The following PEX11G variants were observed in gnomAD, a reference collection of about 807,000 sequenced individuals.
PEX11G encodes the protein peroxisomal membrane protein 11C.
A neutral mutation model predicts 22.5 loss-of-function variants in PEX11G; 20 were observed. The ratio of observed to expected loss-of-function variants is 0.89; its 90% CI spans 0.62 to 1.29. PEX11G has a LOEUF of 1.29. Among genes scored for constraint, PEX11G ranks in the 50% most tolerant of loss-of-function variants. The probability of loss-of-function intolerance (pLI) is 0.00; values close to 1 mark genes in which losing one functional copy is unlikely to be tolerated. For synonymous variants in PEX11G, 141 were observed against 154.5 expected (o/e 0.91, Z 0.65); for missense variants, 347 against 331.3 (o/e 1.05, Z -0.37).
intron 2 of PEX11G, 108 bp from the exon 3 acceptor site, chr19:7,482,319 G>C: frequency 7.6e-7 from 1 of 1,310,250 alleles, no homozygotes; most frequent in Non-Finnish European, 1.0e-6. Flanking sequence ...CCCAGTCCCT[G>C]GGCCGTGTCC....
Position 7,478,338 on chromosome 19 carries a change from C to T in PEX11G, c.467G>A (p.Arg156Gln), listed in dbSNP as rs201661104. The change falls in exon 4 of 5, where the codon CGG becomes CAG. Residue 156 changes from arginine (R) to glutamine (Q), a missense_variant. Physicochemically the swap from Arg to Gln is conservative, Grantham distance 43. Transcript: ENST00000221480. ...CCTGGTGAAGGGCGCCGTGGGGCTC[C>T]GCAGCCTCTGTCTCAGTTTCAGCAG... ...WMLLKLRQRL[R>Q]SPTAPFTSPL... 289 of 1,610,862 alleles carry T rather than the reference C, an allele frequency of 1.8e-4. No homozygotes were observed. Among genetic ancestry groups the T allele is most frequent in the Non-Finnish European group, 2.1e-4 (250 of 1,179,522 alleles).
intron 3 of PEX11G, among the ~76,000 whole-genome samples, chr19:7,481,310 C>T (rs190878290): frequency 6.6e-6 from 1 of 152,312 alleles, no homozygotes; most frequent in Non-Finnish European, 1.5e-5. Context: ...AAGCAATCCT[C>T]CTGCCTCAGC....
At chr19:7,488,471 T>A (rs1165798990) in intron 1 of PEX11G, among the ~76,000 whole-genome samples, 1 of 152,188 alleles carries the variant, frequency 6.6e-6, no homozygotes, top group African/African-American at 2.4e-5. Context: ...AGTGTGTCAA[T>A]GTCCAGACAG....
At chr19:7,479,350 G>T (rs372294429) in intron 3 of PEX11G, among the ~76,000 whole-genome samples, 1 of 152,192 alleles carries the variant, frequency 6.6e-6, no homozygotes, top group African/African-American at 2.4e-5. Flanking sequence ...TGGGGGTGGT[G>T]GTGGGCGCCT....
Position 7,478,522 on chromosome 19 carries a change from C to T in PEX11G, c.429-146G>A, listed in dbSNP as rs1397615355. ...TCTCCCTGCCCCCACAGTCCCACAC[C>T]CTCCTGGCTGTGCCTCATGCTCCCG... On this transcript the variant is annotated intron_variant, in intron 3 of 4. Transcript: ENST00000221480. 9.7e-6 allele frequency: 8 copies of T among 824,226 alleles called. No homozygotes were observed. The Admixed American group carries it at 1.5e-4, about 16-fold the overall frequency. The allele number at this position is 824,226 out of a possible 1,614,324, so 51.1% of individuals were successfully genotyped here. A position where few individuals can be genotyped will look rare whatever the true frequency, so the allele number is the denominator to read the frequency against.
chr19:7,493,854 G>A (rs10408977), upstream of PEX11G, among the ~76,000 whole-genome samples: 882 of 144,258 alleles, frequency 6.1e-3, 12 homozygotes, highest in African/African-American at 0.021. Context: ...AAAAAAAAAA[G>A]ACTTGGGTCC....
At chr19:7,484,720 C>A (rs2021556525) in intron 2 of PEX11G, among the ~76,000 whole-genome samples, 1 of 151,530 alleles carries the variant, frequency 6.6e-6, no homozygotes, top group Non-Finnish European at 1.5e-5. Context: ...TTGCAGTGAG[C>A]CGAGATCACG....
upstream of PEX11G, chr19:7,489,546 A>G: frequency 2.1e-6 from 2 of 951,714 alleles, no homozygotes; most frequent in Non-Finnish European, 2.5e-6. Flanking sequence ...AAAATGCACA[A>G]TTCAGTGACA....
chr19:7,477,333 G>A lies in PEX11G; in HGVS notation c.595C>T (p.Leu199=). 1 of 1,560,558 alleles carries A rather than the reference G, an allele frequency of 6.4e-7. No individual in the cohort carries two copies. The change falls in exon 5 of 5, where the codon CTG becomes TTG. Residue 199 remains leucine, a synonymous_variant. Coordinates refer to ENST00000221480, the MANE Select transcript of PEX11G (RefSeq NM_080662.4). ...LADLANAVHW[L]PRGVLWAGRF... ...CCGGCCCACAGCACGCCCCGGGGCA[G>A]CCAGTGCACGGCGTTGGCCAGGTCG...
intron 1 of PEX11G, among the ~76,000 whole-genome samples, chr19:7,486,740 C>G (rs2021678337): frequency 6.6e-6 from 1 of 151,836 alleles, no homozygotes; most frequent in Admixed American, 6.6e-5. Context: ...GCTGGGACTA[C>G]AGGCACCCGC....
chr19:7,481,097 G>A (rs1205566136), intron 3 of PEX11G, among the ~76,000 whole-genome samples: 1 of 152,150 alleles, frequency 6.6e-6, no homozygotes, highest in Non-Finnish European at 1.5e-5. Context: ...TTCTTTCTAA[G>A]TGTGGTCAGC....
chr19:7,486,147 G>C, intron 1 of PEX11G, 121 bp from the exon 2 acceptor site: 1 of 843,650 alleles, frequency 1.2e-6, no homozygotes, highest in Admixed American at 3.0e-5. Flanking sequence ...TTTTTTTTTT[G>C]AAAGAGTCTC....
upstream of PEX11G, among the ~76,000 whole-genome samples, chr19:7,489,851 C>CTTTTTTT (rs55711330): frequency 2.1e-5 from 3 of 143,858 alleles, no homozygotes; most frequent in Non-Finnish European, 4.5e-5. Context: ...CTGGAGACGT[C>CTTTTTTT]TTTTTTTTTT....
upstream of PEX11G, among the ~76,000 whole-genome samples, chr19:7,491,737 T>C (rs1401521009): frequency 6.6e-6 from 1 of 152,004 alleles, no homozygotes; most frequent in African/African-American, 2.4e-5. Flanking sequence ...ACTGCAGCCT[T>C]GAACTCCTGG....
Position 7,482,047 on chromosome 19 carries a change from G to A in PEX11G, c.414C>T (p.Leu138=), listed in dbSNP as rs1381640528. 2.5e-6 allele frequency: 4 copies of A among 1,601,378 alleles called. No homozygotes were observed. Among genetic ancestry groups the A allele is most frequent in the East Asian group, 4.5e-5 (2 of 44,648 alleles). The change falls in exon 3 of 5, where the codon CTC becomes CTT. Residue 138 remains leucine (L), a synonymous_variant. Transcript: ENST00000221480. The part of the protein sequence containing the change: ...LSTTLWALSL[L]LGVARSLWML... ...ATGCCACTTACCTGGCAACCCCCAG[G>A]AGCAGAGAGAGGGCCCACAGGGTTG...
intron 1 of PEX11G, among the ~76,000 whole-genome samples, chr19:7,494,238 G>C (rs73001536): frequency 0.23 from 34,493 of 151,992 alleles, 4,517 homozygotes; most frequent in African/African-American, 0.37. Flanking sequence ...CAGAAAAATT[G>C]AAGCCAAGCC....
chr19:7,488,506 A>G (rs2021764157), intron 1 of PEX11G, among the ~76,000 whole-genome samples: 2 of 152,086 alleles, frequency 1.3e-5, no homozygotes, highest in Non-Finnish European at 2.9e-5. Flanking sequence ...AACTATCTAA[A>G]TGTCCAACGC....
In PEX11G at chr19:7,478,342, G is replaced by A. The variant is rs1977330188; in HGVS notation, c.463C>T (p.Leu155=). 6.2e-7 allele frequency: 1 copy of A among 1,611,266 alleles called. No homozygotes were observed. The highest frequency in any genetic ancestry group is 8.5e-7 in the Non-Finnish European group (1 of 1,179,516). The stretch of plus-strand genomic sequence containing the variant: ...GTGAAGGGCGCCGTGGGGCTCCGCA[G>A]CCTCTGTCTCAGTTTCAGCAGCATC... ...LWMLLKLRQR[L]RSPTAPFTSP... The change falls in exon 4 of 5, where the codon CTG becomes TTG. Residue 155 remains leucine (L), a synonymous_variant. Transcript: ENST00000221480.
upstream of PEX11G, chr19:7,490,923 GCCA>G (rs2021876360): frequency 6.6e-6 from 1 of 151,910 alleles, no homozygotes; most frequent in Non-Finnish European, 1.5e-5. Context: ...ACAGGTGCCT[GCCA>G]CCACAATTGG....
Sources: gnomAD v4.1 joint callset for allele counts (sites outside exome capture counted in the v4.1 genomes callset) on GRCh38, gnomAD v4.1.1 for gene constraint, MANE v1.5 for transcripts, NCBI Gene and HGNC (gene_info 2026-07-23, HGNC 2026-07-21) for gene names.